Variants in RAD51B observed in about 807,000 individuals in gnomAD.
RAD51B encodes the protein DNA repair protein RAD51 homolog 2.
RAD51B carries 38 observed loss-of-function variants against 42.2 expected under a neutral mutation model. The ratio of observed to expected loss-of-function variants is 0.90; its 90% confidence interval spans 0.70 to 1.18. The LOEUF (loss-of-function observed/expected upper bound fraction) is 1.18. Ranked by LOEUF, RAD51B falls within the 50% of genes most tolerant of loss-of-function variation. The probability of loss-of-function intolerance (pLI) is 0.00; values close to 1 mark genes in which losing one functional copy is unlikely to be tolerated. For synonymous variants in RAD51B, 154 were observed against 145.2 expected (o/e 1.06, Z -0.43); for missense variants, 373 against 400.7 (o/e 0.93, Z 0.59).
intron 7 of RAD51B, among the ~76,000 whole-genome samples, chr14:68,274,863 A>C (rs991037081): frequency 6.6e-6 from 1 of 152,172 alleles, no homozygotes; most frequent in Non-Finnish European, 1.5e-5. Flanking sequence ...AGGTTTGATT[A>C]GATTAGGGTT....
intron 7 of RAD51B, among the ~76,000 whole-genome samples, chr14:68,001,758 T>C (rs2075488215): frequency 1.3e-5 from 2 of 152,188 alleles, no homozygotes; most frequent in Admixed American, 6.5e-5. Flanking sequence ...CCCTGTGTTC[T>C]CATCATCCAG....
chr14:68,333,585 C>G (rs1225787045), intron 8 of RAD51B, among the ~76,000 whole-genome samples: 1 of 152,142 alleles, frequency 6.6e-6, no homozygotes, highest in Non-Finnish European at 1.5e-5. Flanking sequence ...AAATTATGTA[C>G]AACAAAGGCT....
At chr14:68,064,605 G>A (rs1462693380) in intron 7 of RAD51B, among the ~76,000 whole-genome samples, 3 of 151,788 alleles carry the variant, frequency 2.0e-5, no homozygotes, top group Admixed American at 6.6e-5. Flanking sequence ...TCACTTAATG[G>A]TGTCCCAAAG....
At chr14:68,225,444 T>C (rs112220898) in intron 7 of RAD51B, among the ~76,000 whole-genome samples, 2,945 of 152,338 alleles carry the variant, frequency 0.019, 102 homozygotes, top group African/African-American at 0.067. Context: ...ACCAATAACC[T>C]TCTTTCAGTC....
intron 8 of RAD51B, among the ~76,000 whole-genome samples, chr14:68,308,946 A>C (rs1472974829): frequency 6.6e-6 from 1 of 152,164 alleles, no homozygotes; most frequent in Non-Finnish European, 1.5e-5. Context: ...CATGGACAAA[A>C]CTGAGAGAGA....
intron 7 of RAD51B, among the ~76,000 whole-genome samples, chr14:68,134,112 C>T (rs61169935): frequency 0.014 from 2,158 of 152,296 alleles, 51 homozygotes; most frequent in African/African-American, 0.048. Flanking sequence ...ACACCCACCC[C>T]ATCTCATATT....
downstream of RAD51B, among the ~76,000 whole-genome samples, chr14:68,612,434 C>T (rs1023689671): frequency 4.6e-5 from 7 of 152,180 alleles, no homozygotes; most frequent in African/African-American, 1.2e-4. Context: ...CTATCCTTCC[C>T]GGCTACCACA....
At chr14:68,407,251 TGTA>T (rs2084301688) in intron 8 of RAD51B, among the ~76,000 whole-genome samples, 1 of 152,148 alleles carries the variant, frequency 6.6e-6, no homozygotes, top group Non-Finnish European at 1.5e-5. Context: ...TACATAAAAG[TGTA>T]GTAACTACAT....
At chr14:67,868,899 C>A (rs1473822360) in intron 5 of RAD51B, among the ~76,000 whole-genome samples, 1 of 152,294 alleles carries the variant, frequency 6.6e-6, no homozygotes, top group South Asian at 2.1e-4. Flanking sequence ...GGAAAACTAA[C>A]AAACAGAAAG....
chr14:68,084,422 G>T (rs961766960), intron 7 of RAD51B, among the ~76,000 whole-genome samples: 2 of 152,130 alleles, frequency 1.3e-5, no homozygotes, highest in African/African-American at 4.8e-5. Flanking sequence ...GTACATTGTA[G>T]GATATTTAGC....
intron 7 of RAD51B, among the ~76,000 whole-genome samples, chr14:68,252,580 C>G (rs979938267): frequency 3.9e-5 from 6 of 152,174 alleles, no homozygotes; most frequent in African/African-American, 1.4e-4. Flanking sequence ...CTTATATAAA[C>G]TGTTTTGCAA....
At chr14:67,821,490 G>C (rs927408870) in intron 1 of RAD51B, among the ~76,000 whole-genome samples, 1 of 152,304 alleles carries the variant, frequency 6.6e-6, no homozygotes, top group African/African-American at 2.4e-5. Context: ...TAGGGTCTCA[G>C]TCTGTTCCCC....
At position 68,202,595 on chromosome 14, in the gene RAD51B, T is replaced by G. The variant is rs537662563; in HGVS notation, c.757-89289T>G. On this transcript the variant is annotated intron_variant, in intron 7 of 10. Transcript: ENST00000471583. ...CGTCTTTTTTTTTTTTTTTTTTTTT[T>G]TTTTGAGACGGAGTTTTGCTCTTGT... Among the ~76,000 whole-genome samples, 238 of 148,166 alleles carry G rather than the reference T, an allele frequency of 1.6e-3. 2 individuals carry two copies. The highest frequency in any genetic ancestry group is 5.2e-3 in the African/African-American group (208 of 40,050).
At chr14:68,620,970 T>C (rs1566957242) in intron 10 of RAD51B, among the ~76,000 whole-genome samples, 1 of 152,228 alleles carries the variant, frequency 6.6e-6, no homozygotes, top group Non-Finnish European at 1.5e-5. Context: ...AGATTGCATG[T>C]TTATTTACTT....
chr14:68,165,000 G>A (rs995091120), intron 7 of RAD51B, among the ~76,000 whole-genome samples: 12 of 152,118 alleles, frequency 7.9e-5, no homozygotes, highest in Admixed American at 2.6e-4. Flanking sequence ...AGACACTCAC[G>A]TATTTGTCTT....
At chr14:68,170,674 C>G (rs922881308) in intron 7 of RAD51B, among the ~76,000 whole-genome samples, 1 of 151,926 alleles carries the variant, frequency 6.6e-6, no homozygotes, top group African/African-American at 2.4e-5. Flanking sequence ...CTTATTTTAT[C>G]ATCTCATCCT....
chr14:68,659,177 C>G (rs1348750426), intron 11 of RAD51B, among the ~76,000 whole-genome samples: 2 of 152,212 alleles, frequency 1.3e-5, no homozygotes, highest in Non-Finnish European at 2.9e-5. Flanking sequence ...CCTTTTCCTC[C>G]AGGCCAGCCT....
At chr14:68,591,874 T>A (rs1458215199) in intron 10 of RAD51B, among the ~76,000 whole-genome samples, 1 of 152,156 alleles carries the variant, frequency 6.6e-6, no homozygotes, top group African/African-American at 2.4e-5. Flanking sequence ...CTCACAGTCC[T>A]ACTGTCACTC....
chr14:68,481,975 GAC>G (rs1361526797), downstream of RAD51B, among the ~76,000 whole-genome samples: 6 of 152,282 alleles, frequency 3.9e-5, no homozygotes, highest in East Asian at 1.2e-3. Flanking sequence ...AGGAGCAGAA[GAC>G]ATGCACAGGA....
Sources: gnomAD v4.1 joint callset for allele counts (sites outside exome capture counted in the v4.1 genomes callset) on GRCh38, gnomAD v4.1.1 for gene constraint, MANE v1.5 for transcripts, NCBI Gene and HGNC (gene_info 2026-07-23, HGNC 2026-07-21) for gene names.